INF2: variants seen among roughly 807,000 people sequenced by gnomAD.
INF2 encodes the protein inverted formin-2.
INF2 carries 43 observed loss-of-function variants against 123.5 expected under a neutral mutation model. The ratio of observed to expected loss-of-function variants is 0.35; its 90% CI spans 0.27 to 0.45. The LOEUF (loss-of-function observed/expected upper bound fraction) is 0.45, where lower values mean the gene tolerates loss of function less well. Ranked by LOEUF, INF2 falls within the 20% of genes least tolerant of loss-of-function variation. The pLI is 1.00. For missense variants in INF2, 1,453 were observed against 1,682.7 expected (o/e 0.86, Z 2.39); for synonymous variants, 851 against 745.0 (o/e 1.14, Z -2.32).
At chr14:104,714,073 A>T in intron 20 of INF2, 130 bp from the exon 21 acceptor site, 2 of 773,710 alleles carry the variant, frequency 2.6e-6, no homozygotes, top group Non-Finnish European at 4.0e-6. Context: ...CTGCTCTGAG[A>T]CATCAGAGGA....
At position 104,711,090 on chromosome 14, in the gene INF2, C is replaced by T. The variant is rs59751492; in HGVS notation, c.2322C>T (p.Thr774=). 5.0e-3 allele frequency: 8,034 copies of T among 1,598,020 alleles called. 236 individuals carry two copies. In the African/African-American group the frequency reaches 0.075, roughly 15 times the overall value. The change falls in exon 15 of 23, where the codon ACC becomes ACT. Residue 774 remains threonine, a synonymous_variant. Coordinates refer to ENST00000392634, the MANE Select transcript of INF2 (RefSeq NM_022489.4). ...IGNFLNYGSH[T]GDADGFKIST... is the part of the protein sequence containing the mutation. ...CCTGCCCCTCCCAGGGCAGCCACAC[C>T]GGTGACGCCGACGGCTTCAAGATCA...
intron 12 of INF2, 66 bp from the exon 13 acceptor site, chr14:104,710,022 G>C: frequency 7.5e-7 from 1 of 1,339,752 alleles, no homozygotes; most frequent in African/African-American, 1.4e-5. Context: ...GCCCTGTGCT[G>C]AGTGCCCCTC....
chr14:104,707,146 A>T, intron 7 of INF2, 95 bp downstream of exon 7: 1 of 1,509,504 alleles, frequency 6.6e-7, no homozygotes, highest in Non-Finnish European at 8.9e-7. Flanking sequence ...GCCCCAACCC[A>T]TCCTCTGCCC....
At chr14:104,689,545 G>A, upstream of INF2, 5 of 734,776 alleles carry the variant, frequency 6.8e-6, no homozygotes, top group Non-Finnish European at 7.9e-6. Flanking sequence ...GCCCGCGCTC[G>A]CTCCCCACGT....
At chr14:104,698,291 A>G (rs1360874512) in intron 1 of INF2, among the ~76,000 whole-genome samples, 1 of 152,174 alleles carries the variant, frequency 6.6e-6, no homozygotes, top group Non-Finnish European at 1.5e-5. Context: ...TGAGATCAGT[A>G]AACTGTGGAT....
chr14:104,705,140 G>A (rs1369293348), intron 5 of INF2, among the ~76,000 whole-genome samples: 1 of 152,222 alleles, frequency 6.6e-6, no homozygotes, highest in African/African-American at 2.4e-5. Context: ...TCAGGGGCCA[G>A]GCGCGGTGGC....
At chr14:104,708,097 G>A (rs1388499137) in intron 8 of INF2, 95 bp downstream of exon 8, 10 of 1,564,676 alleles carry the variant, frequency 6.4e-6, no homozygotes, top group Middle Eastern at 1.7e-4. Flanking sequence ...ACTTGTGTGC[G>A]CGTCCTGCCC....
intron 13 of INF2, among the ~76,000 whole-genome samples, chr14:104,710,553 G>A (rs1225748002): frequency 2.6e-5 from 4 of 151,730 alleles, no homozygotes; most frequent in Admixed American, 1.3e-4. Context: ...TCACACACAT[G>A]CACACAGGAC....
intron 1 of INF2, among the ~76,000 whole-genome samples, chr14:104,694,112 G>A (rs748679138): frequency 6.6e-6 from 1 of 152,234 alleles, no homozygotes; most frequent in Non-Finnish European, 1.5e-5. Flanking sequence ...GGAGGTGCAG[G>A]CCCAACAGTG....
chr14:104,708,952 A>G (rs1889912112), intron 10 of INF2, among the ~76,000 whole-genome samples: 1 of 152,194 alleles, frequency 6.6e-6, no homozygotes, highest in Admixed American at 6.5e-5. Flanking sequence ...ACAAGGCCAC[A>G]GACAAGTAGT....
At chr14:104,682,344 C>A (rs756110787) in intron 1 of INF2, among the ~76,000 whole-genome samples, 2 of 152,162 alleles carry the variant, frequency 1.3e-5, no homozygotes, top group South Asian at 4.1e-4. Context: ...TCACCTCCCA[C>A]CCTGGAAGAG....
intron 15 of INF2, 123 bp downstream of exon 15, chr14:104,711,309 C>G: frequency 3.5e-6 from 3 of 865,418 alleles, no homozygotes; most frequent in Non-Finnish European, 5.5e-6. Flanking sequence ...TGTCTCAGGG[C>G]TCCGTCTAGA....
upstream of INF2, chr14:104,689,316 A>T: frequency 2.2e-6 from 2 of 924,088 alleles, no homozygotes; most frequent in Non-Finnish European, 2.6e-6. Context: ...GGTGGAGGGC[A>T]GGGACGGGGC....
chr14:104,714,980 G>A, intron 21 of INF2, 124 bp downstream of exon 21: 2 of 1,072,496 alleles, frequency 1.9e-6, no homozygotes, highest in Non-Finnish European at 2.6e-6. Context: ...CTTGGGTGCG[G>A]CACGGGAGAG....
rs1201627744 is a variant in INF2, at chr14:104,684,275, G to A, written c.-104+2693G>A. The A allele has an allele frequency of 1.8e-5, 7 of 388,606 alleles. No homozygotes were observed. Among genetic ancestry groups the A allele is most frequent in the Non-Finnish European group, 3.1e-5 (6 of 193,300 alleles). The allele number at this position is 388,606 out of a possible 1,614,324, so 24.1% of individuals were successfully genotyped here. ...GCTCACTGGAGGTCAGCAGGGAGGT[G>A]GACTGCGTCTCCCGAGGGCCAGCAC... On this transcript the variant is annotated intron_variant, in intron 1 of 2. Coordinates refer to the INF2 transcript ENST00000674723. The surrounding 1 kb of genome is among the most constrained non-coding windows in gnomAD (Gnocchi z 5.0).
rs1888611374 is a variant in INF2 at position 104,684,467 on chromosome 14, A to T, written c.-104+2885A>T. ...ACCACCGCGTGGATGAGTCTCAGAG[A>T]CTGTGGAGCGAAAGAAGCCAGACAC... On this transcript the variant is annotated intron_variant, in intron 1 of 2. Coordinates refer to the INF2 transcript ENST00000674723. The surrounding 1 kb of genome is among the most constrained non-coding windows in gnomAD (Gnocchi z 5.0). The T allele has an allele frequency of 5.2e-6, 1 of 193,756 alleles. No individual in the cohort carries two copies. 12.0% of individuals were successfully genotyped at this position (193,756 alleles called of 1,614,324 possible).
chr14:104,693,409 C>T (rs991649456), intron 1 of INF2, among the ~76,000 whole-genome samples: 7 of 152,164 alleles, frequency 4.6e-5, no homozygotes, highest in Admixed American at 2.0e-4. Flanking sequence ...ACACTGGGGG[C>T]GGAGGGCAGG....
chr14:104,708,118 A>C lies in INF2; in HGVS notation c.1735+116A>C, dbSNP rs1201059472. 9 of 1,499,542 alleles carry C rather than the reference A, an allele frequency of 6.0e-6. No homozygotes were observed. The East Asian group carries it at 2.2e-4, about 36-fold the overall frequency. The allele number at this position is 1,499,542 out of a possible 1,614,324, so 92.9% of individuals were successfully genotyped here. On this transcript the variant is annotated intron_variant, in intron 8 of 22. Coordinates refer to ENST00000392634, the MANE Select transcript of INF2 (RefSeq NM_022489.4). The stretch of plus-strand genomic sequence containing the variant: ...GTGCGCGTCCTGCCCGTGCGTGGCC[A>C]GGGCAGCCTGGCCCTTGCTCTGGGC...
intron 1 of INF2, chr14:104,700,839 C>A: frequency 1.0e-6 from 1 of 985,384 alleles, no homozygotes; most frequent in South Asian, 4.7e-5. Flanking sequence ...GCTGCTGACG[C>A]TGTGGGCACC....
Sources: allele counts gnomAD v4.1 joint callset (sites outside exome capture counted in the v4.1 genomes callset), GRCh38; gene constraint gnomAD v4.1.1; non-coding constraint Gnocchi (gnomAD v3.1); transcripts MANE v1.5; gene names NCBI Gene and HGNC (gene_info 2026-07-23, HGNC 2026-07-21).